CNBD1: variants seen among roughly 807,000 people sequenced by gnomAD.
CNBD1 encodes cyclic nucleotide binding domain containing 1, also known as cyclic nucleotide-binding domain-containing protein 1.
CNBD1 carries 71 observed loss-of-function variants against 54.4 expected under a neutral mutation model. The ratio of observed to expected loss-of-function variants is 1.30; its 90% CI spans 1.08 to 1.59. The LOEUF is 1.59. Among genes scored for constraint, CNBD1 ranks in the 40% most tolerant of loss-of-function variants. The pLI is 0.00. For missense variants in CNBD1, 659 were observed against 518.0 expected (o/e 1.27, Z -2.64); for synonymous variants, 182 against 170.7 (o/e 1.07, Z -0.51).
At chr8:86,979,089 C>T (rs1417931143) in intron 4 of CNBD1, among the ~76,000 whole-genome samples, 1 of 152,014 alleles carries the variant, frequency 6.6e-6, no homozygotes, top group African/African-American at 2.4e-5. Context: ...AAAAAATTTA[C>T]ATTTTGAGTC....
chr8:87,372,374 A>G (rs1034972229), intron 10 of CNBD1, among the ~76,000 whole-genome samples: 6 of 151,962 alleles, frequency 3.9e-5, no homozygotes, highest in African/African-American at 1.2e-4. Flanking sequence ...TCTTAAATGT[A>G]TACTTTGATG....
chr8:87,380,148 A>G (rs1811045080), intron 10 of CNBD1, among the ~76,000 whole-genome samples: 2 of 151,986 alleles, frequency 1.3e-5, no homozygotes, highest in South Asian at 4.1e-4. Flanking sequence ...ATTACCAGCT[A>G]AAAGATTAAT....
intron 4 of CNBD1, among the ~76,000 whole-genome samples, chr8:86,965,133 A>G (rs903145867): frequency 1.3e-5 from 2 of 152,200 alleles, no homozygotes; most frequent in African/African-American, 4.8e-5. Context: ...TGACTAAGCC[A>G]AATGCTCATT....
intron 4 of CNBD1, among the ~76,000 whole-genome samples, chr8:87,087,175 C>CAAA (rs59439868): frequency 8.8e-6 from 1 of 113,538 alleles, no homozygotes; most frequent in Non-Finnish European, 1.8e-5. Flanking sequence ...ATGTATGAGG[C>CAAA]AAAAAAAAAA....
At chr8:87,053,654 T>G (rs965919976) in intron 4 of CNBD1, among the ~76,000 whole-genome samples, 1 of 152,190 alleles carries the variant, frequency 6.6e-6, no homozygotes, top group Non-Finnish European at 1.5e-5. Context: ...TTAGCAGGAA[T>G]AGTCAGGCTT....
chr8:87,350,102 TA>T (rs1810253840), intron 8 of CNBD1, among the ~76,000 whole-genome samples: 1 of 152,186 alleles, frequency 6.6e-6, no homozygotes, highest in Non-Finnish European at 1.5e-5. Context: ...GCTGATTGAC[TA>T]AAAGAAGATA....
chr8:87,401,807 T>A (rs1216131378), intron 2 of CNBD1, among the ~76,000 whole-genome samples: 2 of 152,068 alleles, frequency 1.3e-5, no homozygotes, highest in Non-Finnish European at 2.9e-5. Context: ...ATATCAATTA[T>A]GCTTTTCCAC....
intron 10 of CNBD1, among the ~76,000 whole-genome samples, chr8:87,375,291 G>C (rs980008640): frequency 2.0e-5 from 3 of 151,842 alleles, no homozygotes; most frequent in Non-Finnish European, 2.9e-5. Flanking sequence ...CTTAGCAAAT[G>C]TCATAGGGTA....
At chr8:87,425,253 G>A (rs1808024491) in intron 2 of CNBD1, among the ~76,000 whole-genome samples, 2 of 151,928 alleles carry the variant, frequency 1.3e-5, no homozygotes, top group South Asian at 4.1e-4. Flanking sequence ...CAACTTCTTT[G>A]CCTTTGGTTT....
At chr8:86,938,966 C>T (rs1331769746) in intron 3 of CNBD1, among the ~76,000 whole-genome samples, 3 of 152,058 alleles carry the variant, frequency 2.0e-5, no homozygotes, top group Non-Finnish European at 4.4e-5. Context: ...ATTTCTGCAA[C>T]CTGCCTTACT....
chr8:87,346,427 A>AT (rs1196498259), intron 8 of CNBD1, among the ~76,000 whole-genome samples: 7 of 151,748 alleles, frequency 4.6e-5, no homozygotes, highest in South Asian at 2.1e-4. Context: ...TATTAATTAT[A>AT]TTTTTTCTAA....
chr8:87,274,662 G>A (rs1808439185), intron 6 of CNBD1, among the ~76,000 whole-genome samples: 1 of 133,828 alleles, frequency 7.5e-6, no homozygotes, highest in African/African-American at 3.0e-5. Flanking sequence ...GTAGTTTCTG[G>A]ATATTAGCCC....
Sources: allele counts gnomAD v4.1 joint callset (sites outside exome capture counted in the v4.1 genomes callset), GRCh38; gene constraint gnomAD v4.1.1; transcripts MANE v1.5; gene names NCBI Gene and HGNC (gene_info 2026-07-23, HGNC 2026-07-21).